Variants in EMCN observed in about 807,000 individuals in gnomAD.
EMCN encodes MUC-14.
EMCN carries 37 observed loss-of-function variants against 38.4 expected under a neutral mutation model. The ratio of observed to expected loss-of-function variants is 0.96; its 90% CI spans 0.74 to 1.27. The LOEUF is 1.27. Among genes scored for constraint, EMCN ranks in the 50% most tolerant of loss-of-function variants. The probability of loss-of-function intolerance (pLI) is 0.00; values close to 1 mark genes in which losing one functional copy is unlikely to be tolerated. For missense variants in EMCN, 318 were observed against 302.8 expected, an observed-to-expected ratio of 1.05 and a Z score of -0.37; for synonymous variants, 95 against 100.8, an observed-to-expected ratio of 0.94 and a Z score of 0.35.
intron 11 of EMCN, among the ~76,000 whole-genome samples, chr4:100,409,633 A>G (rs1042125163): frequency 5.3e-5 from 8 of 152,232 alleles, no homozygotes; most frequent in South Asian, 2.1e-4. Flanking sequence ...CTATGTCTAC[A>G]TGACCAGCTG....
chr4:100,434,745 C>G (rs1371205239), intron 5 of EMCN, among the ~76,000 whole-genome samples: 1 of 152,196 alleles, frequency 6.6e-6, no homozygotes, highest in Non-Finnish European at 1.5e-5. Context: ...AAATGTAATT[C>G]ATCACGTAAA....
intron 10 of EMCN, among the ~76,000 whole-genome samples, chr4:100,415,357 C>A (rs990533550): frequency 6.6e-6 from 1 of 152,048 alleles, no homozygotes. Context: ...ACAAATCATA[C>A]CTATATTTTG....
chr4:100,400,362 T>G (rs539928112), intron 11 of EMCN, among the ~76,000 whole-genome samples: 6 of 151,800 alleles, frequency 4.0e-5, no homozygotes, highest in African/African-American at 1.2e-4. Flanking sequence ...CATTTTTTTT[T>G]TTTGTTTTTT....
intron 1 of EMCN, among the ~76,000 whole-genome samples, chr4:100,513,596 A>C (rs61703174): frequency 0.4 from 60,753 of 151,848 alleles, 12,863 homozygotes; most frequent in East Asian, 0.73. Context: ...TTCTTCCCCA[A>C]AGTGGTTATA....
intron 11 of EMCN, among the ~76,000 whole-genome samples, chr4:100,408,175 T>C (rs10433979): frequency 0.18 from 27,402 of 152,198 alleles, 3,998 homozygotes; most frequent in East Asian, 0.77. Flanking sequence ...TCTTCTGATT[T>C]TCAGTGATCT....
chr4:100,481,786 C>A (rs1728811470), intron 1 of EMCN, among the ~76,000 whole-genome samples: 1 of 152,118 alleles, frequency 6.6e-6, no homozygotes, highest in South Asian at 2.1e-4. Context: ...CACCTATGGA[C>A]TTCCTAAATA....
rs144905529 is a variant in EMCN at position 100,413,603 on chromosome 4, G to A, written c.751+2295C>T. On this transcript the variant is annotated intron_variant, in intron 10 of 11. Coordinates refer to ENST00000296420, the MANE Select transcript of EMCN (RefSeq NM_016242.4). The stretch of plus-strand genomic sequence containing the variant: ...TGAATAAAAATTGTGGTAGTACAAG[G>A]AGCATTTGGATAGCATTATATTTTA... 2.5e-3 allele frequency among the ~76,000 whole-genome samples: 381 copies of A among 152,266 alleles called. 2 individuals carry two copies. The highest frequency in any genetic ancestry group is 4.3e-3 in the Non-Finnish European group (295 of 68,018).
Position 100,467,297 on chromosome 4 carries a change from A to T in EMCN, c.260-1758T>A, listed in dbSNP as rs185057220. On this transcript the variant is annotated intron_variant, in intron 3 of 11. Transcript: ENST00000296420. ...ATAAAAGATGCTGCCACAGCCACAA[A>T]TTTTTAAACTTTACTAATATACAGA... Among the ~76,000 whole-genome samples the T allele has an allele frequency of 1.7e-3, 252 of 152,314 alleles. 1 individual carries two copies. The highest frequency in any genetic ancestry group is 5.8e-3 in the African/African-American group (242 of 41,572).
At chr4:100,490,743 A>G (rs916112174) in intron 1 of EMCN, among the ~76,000 whole-genome samples, 2 of 152,118 alleles carry the variant, frequency 1.3e-5, no homozygotes, top group African/African-American at 2.4e-5. Context: ...ACCTAACAAG[A>G]CGTTTCGTAG....
At chr4:100,456,635 T>C (rs542590620) in intron 4 of EMCN, among the ~76,000 whole-genome samples, 6 of 152,308 alleles carry the variant, frequency 3.9e-5, no homozygotes, top group African/African-American at 9.6e-5. Context: ...CTTTTAGTTT[T>C]TTTTTTGTTT....
chr4:100,479,888 A>T, intron 2 of EMCN, 29 bp downstream of exon 2: 1 of 1,579,344 alleles, frequency 6.3e-7, no homozygotes, highest in Non-Finnish European at 8.6e-7. Flanking sequence ...TGTTAAAGTT[A>T]AACTAAATTT....
intron 4 of EMCN, among the ~76,000 whole-genome samples, chr4:100,450,701 G>C (rs552302728): frequency 6.6e-6 from 1 of 151,970 alleles, no homozygotes; most frequent in South Asian, 2.1e-4. Flanking sequence ...GAGTACTCTT[G>C]TATCTGCCTA....
At chr4:100,413,881 G>C (rs1726635948) in intron 10 of EMCN, among the ~76,000 whole-genome samples, 1 of 152,162 alleles carries the variant, frequency 6.6e-6, no homozygotes, top group Non-Finnish European at 1.5e-5. Context: ...AAGTTAGGTG[G>C]GCCAACGGTC....
chr4:100,482,049 T>C lies in EMCN; in HGVS notation c.65-2010A>G, dbSNP rs138974425. ...AAAGACTCTATGATTTATCACATGA[T>C]ATCAAACATTACTTTCAGTCTGGTA... On this transcript the variant is annotated intron_variant, in intron 1 of 11. Transcript: ENST00000296420. 6.8e-3 allele frequency among the ~76,000 whole-genome samples: 1,037 copies of C among 152,268 alleles called. 9 individuals carry two copies. The highest frequency in any genetic ancestry group is 0.011 in the Admixed American group (168 of 15,274).
chr4:100,498,584 C>G (rs568772929), intron 1 of EMCN, among the ~76,000 whole-genome samples: 1 of 151,826 alleles, frequency 6.6e-6, no homozygotes, highest in African/African-American at 2.4e-5. Flanking sequence ...TGGGTTCAAG[C>G]GATTCTCCTG....
chr4:100,420,346 G>A, intron 8 of EMCN, among the ~76,000 whole-genome samples: 1 of 152,006 alleles, frequency 6.6e-6, no homozygotes, highest in Non-Finnish European at 1.5e-5. Context: ...AAAAGATACA[G>A]TAAATTTGTG....
At chr4:100,399,506 C>T (rs972287173) in intron 11 of EMCN, among the ~76,000 whole-genome samples, 3 of 152,050 alleles carry the variant, frequency 2.0e-5, no homozygotes, top group Non-Finnish European at 4.4e-5. Flanking sequence ...CGGGTAGCAG[C>T]TACAGGTATC....
chr4:100,446,986 T>C (rs533554308), intron 5 of EMCN, among the ~76,000 whole-genome samples: 1 of 152,302 alleles, frequency 6.6e-6, no homozygotes, highest in South Asian at 2.1e-4. Flanking sequence ...ATAACTATGA[T>C]TTCTGAACAG....
At chr4:100,415,074 T>C (rs1306365763) in intron 10 of EMCN, among the ~76,000 whole-genome samples, 1 of 152,154 alleles carries the variant, frequency 6.6e-6, no homozygotes, top group Non-Finnish European at 1.5e-5. Flanking sequence ...TTTTGTATTT[T>C]TCAGTAGTGA....
Sources: gnomAD v4.1 joint callset for allele counts (sites outside exome capture counted in the v4.1 genomes callset) on GRCh38, gnomAD v4.1.1 for gene constraint, MANE v1.5 for transcripts, NCBI Gene and HGNC (gene_info 2026-07-23, HGNC 2026-07-21) for gene names.